FBXW7: variants seen among roughly 807,000 people sequenced by gnomAD.
The protein encoded by FBXW7 is F-box/WD repeat-containing protein 7.
In FBXW7, 11 loss-of-function variants were observed where a neutral mutation model predicts 86.3. That is an observed-to-expected ratio of 0.13 (90% CI 0.08 to 0.21). The LOEUF is 0.21. Among genes scored for constraint, FBXW7 ranks in the 10% least tolerant of loss-of-function variants. The probability of loss-of-function intolerance (pLI) is 1.00; values close to 1 mark genes in which losing one functional copy is unlikely to be tolerated. For synonymous variants in FBXW7, 313 were observed against 297.9 expected (o/e 1.05, Z -0.52); for missense variants, 488 against 847.4 (o/e 0.58, Z 5.27).
chr4:152,393,345 A>C (rs1056073590), intron 4 of FBXW7, among the ~76,000 whole-genome samples: 4 of 152,164 alleles, frequency 2.6e-5, no homozygotes, highest in African/African-American at 7.2e-5. Flanking sequence ...CTGAGTAAAG[A>C]AGCACAAAAA....
chr4:152,426,409 G>A (rs1469948745), intron 2 of FBXW7, among the ~76,000 whole-genome samples: 2 of 151,276 alleles, frequency 1.3e-5, no homozygotes, highest in African/African-American at 4.9e-5. Context: ...GAGTGCAGTG[G>A]CACAATCTCG....
chr4:152,365,622 T>C (rs538362644), intron 4 of FBXW7, among the ~76,000 whole-genome samples: 81 of 152,282 alleles, frequency 5.3e-4, no homozygotes, highest in Non-Finnish European at 8.1e-4. Context: ...ACTTGTGCAA[T>C]TGGATAACAA....
At chr4:152,531,802 C>T (rs1022232147) in intron 2 of FBXW7, among the ~76,000 whole-genome samples, 4 of 151,734 alleles carry the variant, frequency 2.6e-5, no homozygotes, top group Non-Finnish European at 5.9e-5. Flanking sequence ...TTATAAATTC[C>T]TTAACAATGA....
intron 4 of FBXW7, among the ~76,000 whole-genome samples, chr4:152,380,725 T>C (rs1243715038): frequency 6.6e-6 from 1 of 152,056 alleles, no homozygotes; most frequent in Non-Finnish European, 1.5e-5. Flanking sequence ...ATCTCCCATA[T>C]GTACTTGTTT....
Position 152,527,865 on chromosome 4 carries a change from T to TACACACAC in FBXW7, c.-120+7068_-120+7075dup, listed in dbSNP as rs149379203. On this transcript the variant is annotated intron_variant, in intron 2 of 13. Transcript: ENST00000281708. ...TTTTGTTAAAAATTTAAAAATTATA[T>TACACACAC]ACACACACACACACACACACACACA... Among the ~76,000 whole-genome samples the TACACACAC allele has an allele frequency of 5.0e-3, 686 of 137,460 alleles. 3 individuals are homozygous for TACACACAC. Among genetic ancestry groups the TACACACAC allele is most frequent in the Non-Finnish European group, 7.2e-3 (475 of 65,864 alleles). The allele number at this position is 137,460 out of a possible 152,430, so 90.2% of individuals were successfully genotyped here. A position where few individuals can be genotyped will look rare whatever the true frequency, so the allele number is the denominator to read the frequency against.
chr4:152,378,724 C>A (rs569039964), intron 4 of FBXW7, among the ~76,000 whole-genome samples: 1 of 152,030 alleles, frequency 6.6e-6, no homozygotes, highest in African/African-American at 2.4e-5. Context: ...CTTATTATGC[C>A]GGGCATGGTG....
At chr4:152,412,919 T>C (rs1462208010) in intron 2 of FBXW7, among the ~76,000 whole-genome samples, 1 of 152,136 alleles carries the variant, frequency 6.6e-6, no homozygotes, top group Non-Finnish European at 1.5e-5. Flanking sequence ...TTTGCCTTTA[T>C]GTTTTTTAAC....
chr4:152,506,649 T>A (rs1438502357), intron 2 of FBXW7, among the ~76,000 whole-genome samples: 1 of 152,234 alleles, frequency 6.6e-6, no homozygotes, highest in Non-Finnish European at 1.5e-5. Flanking sequence ...GCACAGAAGA[T>A]GAATAAATTG....
chr4:152,372,872 G>A (rs929454715), intron 4 of FBXW7, among the ~76,000 whole-genome samples: 13 of 152,024 alleles, frequency 8.6e-5, no homozygotes, highest in Middle Eastern at 3.4e-3. Flanking sequence ...TATAAATCAT[G>A]TGCTAAGTCG....
intron 2 of FBXW7, among the ~76,000 whole-genome samples, chr4:152,418,463 A>G (rs1024991939): frequency 1.3e-5 from 2 of 152,204 alleles, no homozygotes; most frequent in African/African-American, 4.8e-5. Flanking sequence ...GAAGGATATC[A>G]GCAAGTCTCA....
At chr4:152,370,887 C>T (rs768984020) in intron 4 of FBXW7, among the ~76,000 whole-genome samples, 1 of 151,782 alleles carries the variant, frequency 6.6e-6, no homozygotes. Context: ...AATATATAAA[C>T]ACAAGACACT....
chr4:152,508,551 T>C (rs1206078818), intron 2 of FBXW7, among the ~76,000 whole-genome samples: 4 of 150,948 alleles, frequency 2.6e-5, no homozygotes, highest in African/African-American at 7.3e-5. Context: ...TAGCCAGGCA[T>C]GGTGGTGTGC....
rs1737932808 is a variant in FBXW7 at position 152,411,316 on chromosome 4, G to A, written c.488C>T (p.Thr163Ile). ...GAATATACTCACTTTTGTTGTTTTT[G>A]TATAGAATGGGGAGGAGAGTTGGTG... ...PVHQLSSPFY[T>I]KTTKMKRKLD... The change falls in exon 4 of 14, where the codon ACA (threonine) becomes ATA (isoleucine). Residue 163 changes from threonine (T) to isoleucine (I), a missense_variant. Physicochemically the swap from Thr to Ile is moderately conservative, Grantham distance 89. Around this residue, in one of 4 missense-constraint regions of FBXW7, gnomAD observed 230 missense variants for 240.0 expected, o/e 0.96. Transcript: ENST00000281708. 3 of 1,600,708 alleles carry A rather than the reference G, an allele frequency of 1.9e-6. No homozygotes were observed. The African/African-American group carries it at 4.0e-5, about 22-fold the overall frequency.
At chr4:152,344,562 G>A (rs1170014822) in intron 6 of FBXW7, among the ~76,000 whole-genome samples, 6 of 148,416 alleles carry the variant, frequency 4.0e-5, no homozygotes, top group Admixed American at 2.7e-4. Context: ...TAACATTTCC[G>A]AAATTGGAAT....
intron 2 of FBXW7, among the ~76,000 whole-genome samples, chr4:152,472,051 A>AT (rs1744014880): frequency 6.6e-6 from 1 of 152,198 alleles, no homozygotes; most frequent in Non-Finnish European, 1.5e-5. Flanking sequence ...AAACAAACCG[A>AT]TTTTTAAGAT....
At chr4:152,343,525 AATT>A (rs1253466355) in intron 6 of FBXW7, among the ~76,000 whole-genome samples, 1 of 152,154 alleles carries the variant, frequency 6.6e-6, no homozygotes, top group East Asian at 1.9e-4. Flanking sequence ...ATATTAATGA[AATT>A]ATTGTTTTTA....
intron 4 of FBXW7, among the ~76,000 whole-genome samples, chr4:152,354,464 A>ATTT (rs1732171319): frequency 1.3e-5 from 2 of 152,180 alleles, no homozygotes; most frequent in South Asian, 4.1e-4. Flanking sequence ...CTATGAGAAC[A>ATTT]CCTGAAATTT....
chr4:152,491,116 G>T (rs1341600414), intron 2 of FBXW7, among the ~76,000 whole-genome samples: 1 of 152,142 alleles, frequency 6.6e-6, no homozygotes, highest in African/African-American at 2.4e-5. Context: ...TATAGTTCCA[G>T]ATCTAATAAC....
intron 4 of FBXW7, among the ~76,000 whole-genome samples, chr4:152,393,891 G>A (rs1304627339): frequency 6.6e-6 from 1 of 151,966 alleles, no homozygotes. Context: ...TCTGGGGAGG[G>A]GGAAAGATAC....
Sources: allele counts gnomAD v4.1 joint callset (sites outside exome capture counted in the v4.1 genomes callset), GRCh38; gene constraint gnomAD v4.1.1; regional missense constraint gnomAD v4.1.1; transcripts MANE v1.5; gene names NCBI Gene and HGNC (gene_info 2026-07-23, HGNC 2026-07-21).